Variants in C8orf34 observed in about 807,000 individuals in gnomAD.
C8orf34 encodes chromosome 8 open reading frame 34.
Under a neutral mutation model 68.3 loss-of-function variants are expected in C8orf34, and 65 were observed. The ratio of observed to expected loss-of-function variants is 0.95; its 90% CI spans 0.78 to 1.17. The LOEUF (loss-of-function observed/expected upper bound fraction) is 1.17. C8orf34 is among the 50% of genes most tolerant of loss of function. The pLI, the probability that C8orf34 is intolerant of heterozygous loss-of-function variation, is 0.00. For missense variants in C8orf34, 664 were observed against 655.4 expected (o/e 1.01, Z -0.14); for synonymous variants, 244 against 241.2 (o/e 1.01, Z -0.11).
intron 1 of C8orf34, among the ~76,000 whole-genome samples, chr8:68,370,608 A>C (rs1807518621): frequency 6.6e-6 from 1 of 152,094 alleles, no homozygotes; most frequent in Admixed American, 6.5e-5. Flanking sequence ...AATTCACTTC[A>C]CTATGCTTAT....
chr8:68,715,349 G>A (rs1170481900), intron 9 of C8orf34, among the ~76,000 whole-genome samples: 1 of 152,048 alleles, frequency 6.6e-6, no homozygotes, highest in African/African-American at 2.4e-5. Context: ...CACAGAGTGG[G>A]AGAAATTCTT....
At chr8:68,408,397 C>T (rs1023493115) in intron 1 of C8orf34, among the ~76,000 whole-genome samples, 4 of 151,918 alleles carry the variant, frequency 2.6e-5, no homozygotes, top group African/African-American at 4.8e-5. Flanking sequence ...AAACCATCCC[C>T]GCCACACACC....
chr8:68,446,705 T>C, intron 3 of C8orf34: 1 of 472,606 alleles, frequency 2.1e-6, no homozygotes. Flanking sequence ...CCTTGAAGAA[T>C]ATAAACTGCA....
chr8:68,421,096 C>T (rs2129623567), intron 1 of C8orf34, among the ~76,000 whole-genome samples: 1 of 152,248 alleles, frequency 6.6e-6, no homozygotes, highest in East Asian at 1.9e-4. Context: ...AAAAAAACCA[C>T]ATGTAAACAT....
At chr8:68,491,956 T>G (rs1282130228) in intron 5 of C8orf34, among the ~76,000 whole-genome samples, 2 of 152,188 alleles carry the variant, frequency 1.3e-5, no homozygotes, top group Non-Finnish European at 2.9e-5. Flanking sequence ...TTCCCTCCAG[T>G]AGGGTGGTGT....
rs143363296 is a variant in C8orf34 at position 68,502,172 on chromosome 8, T to A, written c.765+14121T>A. 7.9e-3 allele frequency among the ~76,000 whole-genome samples: 1,205 copies of A among 152,294 alleles called. 10 individuals are homozygous for A. Among genetic ancestry groups the A allele is most frequent in the Non-Finnish European group, 0.011 (743 of 68,024 alleles). On this transcript the variant is annotated intron_variant, in intron 5 of 13. Transcript: ENST00000518698. The stretch of plus-strand genomic sequence containing the variant: ...CCTCCGCCTCCCAGGTTCAAGCGAT[T>A]CTCCTGCTTCAGCCTCCTGAATAGC...
At chr8:68,343,828 A>G (rs1806172534) in intron 1 of C8orf34, among the ~76,000 whole-genome samples, 2 of 151,966 alleles carry the variant, frequency 1.3e-5, no homozygotes, top group African/African-American at 4.8e-5. Flanking sequence ...TCCTGACCTC[A>G]TGATCCGCCT....
intron 5 of C8orf34, among the ~76,000 whole-genome samples, chr8:68,506,827 C>T (rs1814045051): frequency 6.6e-6 from 1 of 151,644 alleles, no homozygotes; most frequent in Admixed American, 6.6e-5. Context: ...TAATCTACCA[C>T]ATCTCTTTTT....
chr8:68,459,782 A>G (rs1811714781), intron 3 of C8orf34, among the ~76,000 whole-genome samples: 1 of 152,206 alleles, frequency 6.6e-6, no homozygotes, highest in Non-Finnish European at 1.5e-5. Flanking sequence ...AGATAAATGG[A>G]TAATAAAAAC....
intron 5 of C8orf34, among the ~76,000 whole-genome samples, chr8:68,506,953 TTGTTTCTGAGCCCTC>T (rs984782524): frequency 7.9e-5 from 12 of 151,884 alleles, no homozygotes; most frequent in Admixed American, 5.9e-4. Flanking sequence ...GCCACTTACA[TTGTTTCTGAGCCCTC>T]TGTTTTCTTC....
chr8:68,460,213 T>A (rs957060971), intron 3 of C8orf34, among the ~76,000 whole-genome samples: 2 of 152,090 alleles, frequency 1.3e-5, no homozygotes, highest in African/African-American at 4.8e-5. Context: ...GAGATCAAAC[T>A]GCAAGGCAGC....
At chr8:68,612,980 G>C (rs1818067514) in intron 7 of C8orf34, among the ~76,000 whole-genome samples, 1 of 152,086 alleles carries the variant, frequency 6.6e-6, no homozygotes, top group African/African-American at 2.4e-5. Flanking sequence ...GAATTGGCTG[G>C]CTTTGTTTCT....
At chr8:68,741,212 C>T (rs890829938) in intron 10 of C8orf34, among the ~76,000 whole-genome samples, 1 of 151,968 alleles carries the variant, frequency 6.6e-6, no homozygotes, top group African/African-American at 2.4e-5. Context: ...GCACATGTAC[C>T]CCTGAACTTA....
At chr8:68,368,412 T>G (rs2129619689) in intron 1 of C8orf34, among the ~76,000 whole-genome samples, 1 of 152,268 alleles carries the variant, frequency 6.6e-6, no homozygotes, top group South Asian at 2.1e-4. Context: ...TGGCTATTAT[T>G]CATGAAAAAT....
intron 10 of C8orf34, among the ~76,000 whole-genome samples, chr8:68,733,260 C>T (rs1822034260): frequency 6.6e-6 from 1 of 152,014 alleles, no homozygotes; most frequent in Non-Finnish European, 1.5e-5. Flanking sequence ...AATTATTAAC[C>T]AACTTATACA....
At chr8:68,486,358 G>A (rs892420734) in intron 4 of C8orf34, among the ~76,000 whole-genome samples, 2 of 152,050 alleles carry the variant, frequency 1.3e-5, no homozygotes. Context: ...CTGTTTGAAG[G>A]CACTACCTTC....
At chr8:68,769,555 A>G (rs539360498) in intron 10 of C8orf34, among the ~76,000 whole-genome samples, 111 of 152,298 alleles carry the variant, frequency 7.3e-4, no homozygotes, top group Non-Finnish European at 9.3e-4. Flanking sequence ...ATCAATAATT[A>G]CTTACAAACT....
At chr8:68,586,668 A>C (rs889164079) in intron 7 of C8orf34, among the ~76,000 whole-genome samples, 2 of 152,142 alleles carry the variant, frequency 1.3e-5, no homozygotes, top group African/African-American at 4.8e-5. Flanking sequence ...ATAAATTGAG[A>C]GCACCAATGT....
chr8:68,722,882 A>G (rs1053172183), intron 10 of C8orf34, among the ~76,000 whole-genome samples: 1 of 149,750 alleles, frequency 6.7e-6, no homozygotes, highest in African/African-American at 2.5e-5. Context: ...GTAAAATGGT[A>G]AAATCTTAGA....
Sources: gnomAD v4.1 joint callset for allele counts (sites outside exome capture counted in the v4.1 genomes callset) on GRCh38, gnomAD v4.1.1 for gene constraint, MANE v1.5 for transcripts, NCBI Gene and HGNC (gene_info 2026-07-23, HGNC 2026-07-21) for gene names.